CLEC7A: variants seen among roughly 807,000 people sequenced by gnomAD.
CLEC7A encodes C-type lectin domain containing 7A.
Under a neutral mutation model 26.9 loss-of-function variants are expected in CLEC7A, and 25 were observed. That is an observed-to-expected ratio of 0.93 (90% CI 0.68 to 1.30). CLEC7A has a LOEUF of 1.30. CLEC7A is among the 50% of genes most tolerant of loss of function. CLEC7A has a pLI of 0.00. For missense variants in CLEC7A, 275 were observed against 286.7 expected (o/e 0.96, Z 0.29); for synonymous variants, 100 against 99.5 (o/e 1.01, Z -0.03).
At chr12:10,128,214 AC>A (rs1948366810) in intron 1 of CLEC7A, among the ~76,000 whole-genome samples, 6 of 47,798 alleles carry the variant, frequency 1.3e-4, no homozygotes, top group African/African-American at 3.2e-4. Flanking sequence ...TAAAACACAC[AC>A]ACACACACAC....
rs772401463 is a variant in CLEC7A, at chr12:10,127,385, CA to C, written c.202+361del. 14 of 1,611,842 alleles carry C rather than the reference CA, an allele frequency of 8.7e-6. No individual in the cohort carries two copies. In the Admixed American group the frequency reaches 2.2e-4, roughly 25 times the overall value. On this transcript the variant is annotated intron_variant, in intron 2 of 5. Transcript: ENST00000304084. The stretch of plus-strand genomic sequence containing the variant: ...CAGCACCATATTGTACTTTCTTCTT[CA>C]GCTCCGCTTGTTTTCTTCATTAATT...
chr12:10,128,857 A>T (rs1948396304), intron 1 of CLEC7A, among the ~76,000 whole-genome samples: 1 of 152,230 alleles, frequency 6.6e-6, no homozygotes, highest in Non-Finnish European at 1.5e-5. Flanking sequence ...ATATTTGTGC[A>T]GTGTGAATAA....
intron 5 of CLEC7A, among the ~76,000 whole-genome samples, chr12:10,121,190 G>T (rs1948073352): frequency 1.3e-5 from 2 of 151,742 alleles, no homozygotes; most frequent in Admixed American, 1.3e-4. Flanking sequence ...GATGAGTGAA[G>T]TATACATGTG....
In CLEC7A at chr12:10,118,430, A is replaced by G. The variant is rs745459200; in HGVS notation, c.*28T>C. ...TTCTGTCCTCCTTACTACCTCACAT[A>G]TTTCTCTCTCCTTCTCCACCCTTCC... is the stretch of plus-strand genomic sequence containing the variant. On this transcript the variant is annotated 3_prime_UTR_variant, in exon 6 of 6. Coordinates refer to ENST00000304084, the MANE Select transcript of CLEC7A (RefSeq NM_197947.3). 6.3e-7 allele frequency: 1 copy of G among 1,589,750 alleles called. No individual in the cohort carries two copies. The highest frequency in any genetic ancestry group is 8.6e-7 in the Non-Finnish European group (1 of 1,159,478).
intron 1 of CLEC7A, among the ~76,000 whole-genome samples, chr12:10,128,207 AACAC>A (rs71860807): frequency 0.13 from 17,334 of 132,662 alleles, 1,431 homozygotes; most frequent in East Asian, 0.33. Flanking sequence ...ACCCTGTTAA[AACAC>A]ACACACACAC....
At position 10,126,574 on chromosome 12, in the gene CLEC7A, T is replaced by C; in HGVS notation, c.337A>G (p.Thr113Ala). Reference protein sequence around the residue: ...SVTPTKAVKTTGVLSSPCPPN... With the variant: ...SVTPTKAVKTAGVLSSPCPPN... ...CGTCCTTTAACTATGCCCTTGCCTG[T>C]GGTTTTGACAGCTTTGGTAGGAGTC... is the stretch of plus-strand genomic sequence containing the variant. Residue 113 changes from threonine (T) to alanine (A), a missense_variant, in exon 3 of 6, where the codon ACA becomes GCA. Transcript: ENST00000304084. 6.2e-7 allele frequency: 1 copy of C among 1,605,130 alleles called. No homozygotes were observed. The highest frequency in any genetic ancestry group is 1.1e-5 in the South Asian group (1 of 89,822).
intron 2 of CLEC7A, chr12:10,127,447 G>A: frequency 6.2e-7 from 1 of 1,613,686 alleles, no homozygotes; most frequent in East Asian, 2.2e-5. Flanking sequence ...AACCAGCTAT[G>A]TAAGGGAGGT....
intron 4 of CLEC7A, 31 bp from the exon 5 acceptor site, chr12:10,123,394 A>AAGAGAGAG: frequency 9.2e-7 from 1 of 1,081,950 alleles, no homozygotes. Flanking sequence ...ATATATAATA[A>AAGAGAGAG]AGAGAGAGAG....
rs370882285 is a variant in CLEC7A, at chr12:10,117,052, G to A, written c.*1406C>T. On this transcript the variant is annotated 3_prime_UTR_variant, in exon 6 of 6. Coordinates refer to ENST00000304084, the MANE Select transcript of CLEC7A (RefSeq NM_197947.3). Reference sequence around the variant, plus strand: ...TTTACAGTAATTACTGAAAAAAATGGTAAAAATTGTAAAACAGTACATCAC... The same window carrying A: ...TTTACAGTAATTACTGAAAAAAATGATAAAAATTGTAAAACAGTACATCAC... 44 of 151,996 alleles carry A rather than the reference G, an allele frequency of 2.9e-4. No homozygotes were observed. Among genetic ancestry groups the A allele is most frequent in the African/African-American group, 1.0e-3 (42 of 41,356 alleles). The allele number at this position is 151,996 out of a possible 1,614,324, so 9.4% of individuals were successfully genotyped here.
At chr12:10,126,164 C>T in intron 3 of CLEC7A, 1 of 984,024 alleles carries the variant, frequency 1.0e-6, no homozygotes, top group Non-Finnish European at 1.2e-6. Flanking sequence ...CCCTTCTTTC[C>T]TTTCTCCCTG....
chr12:10,126,380 G>T, intron 3 of CLEC7A, 191 bp downstream of exon 3: 1 of 979,486 alleles, frequency 1.0e-6, no homozygotes, highest in African/African-American at 1.7e-5. Context: ...CAACTGCATA[G>T]GGTACTTATA....
chr12:10,122,987 G>T (rs1412570059), intron 5 of CLEC7A, among the ~76,000 whole-genome samples: 1 of 151,872 alleles, frequency 6.6e-6, no homozygotes, highest in East Asian at 1.9e-4. Flanking sequence ...CAAACATGTC[G>T]ATGCCTCCCT....
At position 10,118,595 on chromosome 12, in the gene CLEC7A, T is replaced by C; in HGVS notation, c.612-5A>G. 6.2e-7 allele frequency: 1 copy of C among 1,610,940 alleles called. No homozygotes were observed. Among genetic ancestry groups the C allele is most frequent in the Non-Finnish European group, 8.5e-7 (1 of 1,178,048 alleles). ...GCTGTGGTTCTGATCTGAAATCTGT[T>C]AAAATAGAATACAGTGAGGTAATTA... On this transcript the variant is annotated splice_polypyrimidine_tract_variant and splice_region_variant and intron_variant, in intron 5 of 5. Transcript: ENST00000304084.
chr12:10,122,250 A>T (rs56140555), intron 5 of CLEC7A, among the ~76,000 whole-genome samples: 20,770 of 152,188 alleles, frequency 0.14, 1,844 homozygotes, highest in African/African-American at 0.26. Context: ...GATATTAAAA[A>T]GCAAATGAAT....
chr12:10,121,328 G>C (rs1286643550), intron 5 of CLEC7A, among the ~76,000 whole-genome samples: 3 of 151,258 alleles, frequency 2.0e-5, no homozygotes, highest in African/African-American at 7.3e-5. Flanking sequence ...AAGGAGGAAA[G>C]AAAGGGGAAA....
At position 10,126,500 on chromosome 12, in the gene CLEC7A, C is replaced by G. The variant is rs547573906; in HGVS notation, c.340+71G>C. On this transcript the variant is annotated intron_variant, in intron 3 of 5. Transcript: ENST00000304084. ...GAATCTAAGTGTTTTTCTTTACACC[C>G]CTGCCCCAGGCTTCAGCACCAAGAA... 37 of 1,509,402 alleles carry G rather than the reference C, an allele frequency of 2.5e-5. No individual in the cohort carries two copies. In the African/African-American group the frequency reaches 4.8e-4, roughly 20 times the overall value. 93.5% of individuals were successfully genotyped at this position (1,509,402 alleles called of 1,614,324 possible). A position where few individuals can be genotyped will look rare whatever the true frequency, so the allele number is the denominator to read the frequency against.
At position 10,118,109 on chromosome 12, in the gene CLEC7A, G is replaced by A. The variant is rs755699713; in HGVS notation, c.*349C>T. On this transcript the variant is annotated 3_prime_UTR_variant, in exon 6 of 6. Coordinates refer to ENST00000304084, the MANE Select transcript of CLEC7A (RefSeq NM_197947.3). The stretch of plus-strand genomic sequence containing the variant: ...TCCCAGCTACTTGAGGGGCTGAGGC[G>A]AGAGATAGCTGCAGTGAGTCGAGAT... 1.2e-3 allele frequency: 245 copies of A among 207,684 alleles called. 2 individuals are homozygous for A. Among genetic ancestry groups the A allele is most frequent in the Non-Finnish European group, 4.4e-4 (46 of 103,926 alleles). 12.9% of individuals were successfully genotyped at this position (207,684 alleles called of 1,614,324 possible).
intron 4 of CLEC7A, among the ~76,000 whole-genome samples, chr12:10,124,219 C>T (rs11053612): frequency 1.1e-3 from 175 of 152,182 alleles, no homozygotes; most frequent in Admixed American, 2.7e-3. Context: ...TAATCCAGTA[C>T]TCTTTCTTTG....
intron 4 of CLEC7A, among the ~76,000 whole-genome samples, chr12:10,124,514 T>C (rs11053613): frequency 0.14 from 20,979 of 152,216 alleles, 1,886 homozygotes; most frequent in African/African-American, 0.26. Context: ...TATTTAACTT[T>C]TAATAGCTGC....
Sources: gnomAD v4.1 joint callset for allele counts (sites outside exome capture counted in the v4.1 genomes callset) on GRCh38, gnomAD v4.1.1 for gene constraint, MANE v1.5 for transcripts, NCBI Gene and HGNC (gene_info 2026-07-23, HGNC 2026-07-21) for gene names.